Variants in GABBR2 observed in about 807,000 individuals in gnomAD.
The protein encoded by GABBR2 is G-protein coupled receptor 51.
In GABBR2, 23 loss-of-function variants were observed where a neutral mutation model predicts 105.6. The ratio of observed to expected loss-of-function variants is 0.22; its 90% CI spans 0.16 to 0.31. The LOEUF is 0.31. Ranked by LOEUF, GABBR2 falls within the 10% of genes least tolerant of loss-of-function variation. GABBR2 has a pLI of 1.00. For missense variants in GABBR2, 734 were observed against 1,245.5 expected (o/e 0.59, Z 6.18); for synonymous variants, 478 against 499.7 (o/e 0.96, Z 0.58).
intron 1 of GABBR2, among the ~76,000 whole-genome samples, chr9:98,631,018 C>A (rs1449405072): frequency 6.6e-6 from 1 of 152,184 alleles, no homozygotes; most frequent in Admixed American, 6.5e-5. Context: ...GCCATTATCA[C>A]AGGAATTTCT....
intron 3 of GABBR2, among the ~76,000 whole-genome samples, chr9:98,504,257 G>T (rs1827462108): frequency 6.6e-6 from 1 of 152,232 alleles, no homozygotes; most frequent in Middle Eastern, 3.2e-3. Flanking sequence ...GAGAGAAGCA[G>T]AATATTGTTA....
chr9:98,668,683 T>A (rs963824457), intron 1 of GABBR2, among the ~76,000 whole-genome samples: 2 of 152,126 alleles, frequency 1.3e-5, no homozygotes, highest in African/African-American at 4.8e-5. Flanking sequence ...CAATTCTCCC[T>A]CCTTCTCTGC....
chr9:98,507,265 T>C (rs1281425017), intron 3 of GABBR2, among the ~76,000 whole-genome samples: 1 of 152,094 alleles, frequency 6.6e-6, no homozygotes, highest in African/African-American at 2.4e-5. Context: ...GATGTCAAGA[T>C]GGAGCAACCA....
At chr9:98,607,013 C>T (rs752756505) in intron 1 of GABBR2, 1 of 1,006,698 alleles carries the variant, frequency 9.9e-7, no homozygotes. Context: ...AACAGAAGAC[C>T]CCTGAAGGCT....
At chr9:98,430,219 G>T (rs1825779560) in intron 7 of GABBR2, among the ~76,000 whole-genome samples, 1 of 151,576 alleles carries the variant, frequency 6.6e-6, no homozygotes, top group South Asian at 2.1e-4. Context: ...GAACCCGGGA[G>T]GTGGAGATTG....
In GABBR2 at chr9:98,306,431, G is replaced by GGTGGT; in HGVS notation, c.2005-87_2005-86insACCAC. 1 of 561,628 alleles carries GGTGGT rather than the reference G, an allele frequency of 1.8e-6. No homozygotes were observed. Among genetic ancestry groups the GGTGGT allele is most frequent in the African/African-American group, 1.9e-5 (1 of 53,102 alleles). The allele number at this position is 561,628 out of a possible 1,614,324, so 34.8% of individuals were successfully genotyped here. The stretch of plus-strand genomic sequence containing the variant: ...GCTCTGAGAAGCTGTGGAGTGGAGG[G>GGTGGT]TTACTCAGGAGGTGGGCTGCAGGGA... On this transcript the variant is annotated intron_variant, in intron 14 of 18. Coordinates refer to ENST00000259455, the MANE Select transcript of GABBR2 (RefSeq NM_005458.8). This position sits in a 1 kb window ranked among gnomAD's most constrained non-coding sequence, Gnocchi z 5.4.
At chr9:98,457,943 T>G (rs558422482) in intron 6 of GABBR2, among the ~76,000 whole-genome samples, 2 of 152,376 alleles carry the variant, frequency 1.3e-5, no homozygotes, top group African/African-American at 4.8e-5. Context: ...AGGTCAAGTT[T>G]ATCGTGAGAT....
chr9:98,593,547 G>A (rs1829176820), intron 1 of GABBR2, among the ~76,000 whole-genome samples: 1 of 152,182 alleles, frequency 6.6e-6, no homozygotes, highest in Admixed American at 6.5e-5. Context: ...AGGACCCCCT[G>A]AGGTAGAGAA....
chr9:98,559,016 T>A (rs1828629636), intron 2 of GABBR2, among the ~76,000 whole-genome samples: 1 of 152,250 alleles, frequency 6.6e-6, no homozygotes, highest in Admixed American at 6.5e-5. Context: ...AGTCTTTCTG[T>A]TCCTTCCTTC....
At chr9:98,464,846 G>T (rs945003197) in intron 6 of GABBR2, among the ~76,000 whole-genome samples, 1 of 152,000 alleles carries the variant, frequency 6.6e-6, no homozygotes, top group African/African-American at 2.4e-5. Context: ...TGAAACATGT[G>T]CTGTGTCAAC....
At chr9:98,381,643 C>T (rs919271573) in intron 11 of GABBR2, among the ~76,000 whole-genome samples, 1 of 152,190 alleles carries the variant, frequency 6.6e-6, no homozygotes, top group Non-Finnish European at 1.5e-5. Flanking sequence ...TATGCCTTTT[C>T]CCCACAGTCA....
intron 8 of GABBR2, among the ~76,000 whole-genome samples, chr9:98,403,491 T>C (rs183466291): frequency 1.0e-3 from 155 of 152,080 alleles, no homozygotes; most frequent in Non-Finnish European, 4.9e-4. Context: ...CAGCTGTGTG[T>C]CCCTGGGAGA....
chr9:98,549,472 G>A (rs1828448019), intron 2 of GABBR2, among the ~76,000 whole-genome samples: 1 of 152,190 alleles, frequency 6.6e-6, no homozygotes, highest in Non-Finnish European at 1.5e-5. Context: ...AACCAAATAT[G>A]TGGCAGGGCC....
intron 1 of GABBR2, among the ~76,000 whole-genome samples, chr9:98,672,754 C>T (rs981074756): frequency 6.6e-6 from 1 of 152,174 alleles, no homozygotes; most frequent in East Asian, 1.9e-4. Flanking sequence ...GGGAACTAGA[C>T]AGTTTATCTT....
chr9:98,462,543 G>A (rs1350579719), intron 6 of GABBR2, among the ~76,000 whole-genome samples: 2 of 152,170 alleles, frequency 1.3e-5, no homozygotes, highest in Non-Finnish European at 2.9e-5. Flanking sequence ...ATGAAGATAT[G>A]AAAACATGTC....
intron 6 of GABBR2, among the ~76,000 whole-genome samples, chr9:98,466,716 T>A (rs991578015): frequency 2.0e-5 from 3 of 152,228 alleles, no homozygotes; most frequent in African/African-American, 7.2e-5. Context: ...TGGGAAAGGT[T>A]AAATGACTTG....
rs113747643 is a variant in GABBR2, at chr9:98,388,619, C to CTGTG, written c.1529+231_1529+234dup. Among the ~76,000 whole-genome samples, 3,934 of 144,504 alleles carry CTGTG rather than the reference C, an allele frequency of 0.027. 83 individuals are homozygous for CTGTG. The highest frequency in any genetic ancestry group is 0.04 in the Non-Finnish European group (2,638 of 65,842). The allele number at this position is 144,504 out of a possible 152,430, so 94.8% of individuals were successfully genotyped here. A position where few individuals can be genotyped will look rare whatever the true frequency, so the allele number is the denominator to read the frequency against. On this transcript the variant is annotated intron_variant, in intron 10 of 18. Transcript: ENST00000259455. The surrounding 1 kb of genome is among the most constrained non-coding windows in gnomAD (Gnocchi z 4.4). Reference sequence around the variant, plus strand: ...TCCTGTGCAACCAGCAGCCTGGCCTCTGTGTGTGTGTGTGTGTGTGTGTGT... The same window carrying CTGTG: ...TCCTGTGCAACCAGCAGCCTGGCCTCTGTGTGTGTGTGTGTGTGTGTGTGTGTGT...
intron 7 of GABBR2, among the ~76,000 whole-genome samples, chr9:98,448,775 A>G (rs1011426565): frequency 2.0e-5 from 3 of 152,210 alleles, no homozygotes; most frequent in Non-Finnish European, 4.4e-5. Flanking sequence ...GTCCTTTTAA[A>G]AGACAAATCA....
At chr9:98,379,648 A>C (rs1564039975) in intron 11 of GABBR2, among the ~76,000 whole-genome samples, 1 of 152,234 alleles carries the variant, frequency 6.6e-6, no homozygotes, top group Non-Finnish European at 1.5e-5. Flanking sequence ...ACAATTATCC[A>C]GACATAGTCC....
Sources: gnomAD v4.1 joint callset for allele counts (sites outside exome capture counted in the v4.1 genomes callset) on GRCh38, gnomAD v4.1.1 for gene constraint, Gnocchi (gnomAD v3.1) non-coding constraint, MANE v1.5 for transcripts, NCBI Gene and HGNC (gene_info 2026-07-23, HGNC 2026-07-21) for gene names.